RALGAPA1: variants seen among roughly 807,000 people sequenced by gnomAD.
RALGAPA1 encodes the protein Ral GTPase activating protein catalytic subunit alpha 1, also known as ral GTPase-activating protein subunit alpha-1.
In RALGAPA1, 52 loss-of-function variants were observed where a neutral mutation model predicts 269.6. The observed-to-expected ratio is 0.19, with a 90% confidence interval of 0.15 to 0.24. The LOEUF (loss-of-function observed/expected upper bound fraction) is 0.24. Among genes scored for constraint, RALGAPA1 ranks in the 10% least tolerant of loss-of-function variants. The pLI is 1.00. For synonymous variants in RALGAPA1, 817 were observed against 1,008.3 expected (o/e 0.81, Z 3.60); for missense variants, 1,917 against 3,013.9 (o/e 0.64, Z 8.52).
At chr14:35,712,426 TGC>T (rs1293504390) in intron 16 of RALGAPA1, among the ~76,000 whole-genome samples, 10 of 152,274 alleles carry the variant, frequency 6.6e-5, no homozygotes, top group African/African-American at 2.4e-4. Flanking sequence ...TAACATTTCT[TGC>T]AAAGCAAGTA....
chr14:35,718,755 C>CCTGAACCTAGA lies in RALGAPA1; in HGVS notation c.2266+2932_2266+2933insTCTAGGTTCAG, dbSNP rs2069089600. Reference sequence around the variant, plus strand: ...TGCCTGAACCTAGAAGTGGAGGTTGCAGTGAGCTGAGATCATGCCAGCCTG... The same window carrying CCTGAACCTAGA: ...TGCCTGAACCTAGAAGTGGAGGTTGCCTGAACCTAGAAGTGAGCTGAGATCATGCCAGCCTG... On this transcript the variant is annotated intron_variant, in intron 16 of 41. Coordinates refer to ENST00000680220, the MANE Select transcript of RALGAPA1 (RefSeq NM_001346249.2). 7.9e-5 allele frequency among the ~76,000 whole-genome samples: 12 copies of CCTGAACCTAGA among 151,866 alleles called. No individual in the cohort carries two copies. In the South Asian group the frequency reaches 2.5e-3, roughly 32 times the overall value.
chr14:35,605,446 T>G, intron 36 of RALGAPA1, 140 bp downstream of exon 36: 1 of 853,556 alleles, frequency 1.2e-6, no homozygotes, highest in Non-Finnish European at 1.7e-6. Flanking sequence ...GCAGACAAAA[T>G]GGAAGGCAGA....
At chr14:35,623,192 G>GA (rs1235600914) in intron 35 of RALGAPA1, among the ~76,000 whole-genome samples, 1 of 150,778 alleles carries the variant, frequency 6.6e-6, no homozygotes, top group Non-Finnish European at 1.5e-5. Flanking sequence ...GAAATCCAAA[G>GA]AAAAAAATTG....
chr14:35,650,066 G>T (rs145171486), intron 31 of RALGAPA1, among the ~76,000 whole-genome samples: 1 of 152,104 alleles, frequency 6.6e-6, no homozygotes, highest in Non-Finnish European at 1.5e-5. Flanking sequence ...ACACTAAAGC[G>T]AAGGATTCTT....
In RALGAPA1 at chr14:35,691,769, C is replaced by T. The variant is rs1409418521; in HGVS notation, c.2408-1766G>A. Among the ~76,000 whole-genome samples the T allele has an allele frequency of 2.0e-5, 3 of 152,226 alleles. No homozygotes were observed. In the East Asian group the frequency reaches 5.8e-4, roughly 29 times the overall value. On this transcript the variant is annotated intron_variant, in intron 17 of 41. Coordinates refer to ENST00000680220, the MANE Select transcript of RALGAPA1 (RefSeq NM_001346249.2). Reference sequence around the variant, plus strand: ...GAGATCAACATAGGTTTGTATTATGCCAAGATTCTAGTATATTCCTAGTGA... The same window carrying T: ...GAGATCAACATAGGTTTGTATTATGTCAAGATTCTAGTATATTCCTAGTGA...
intron 1 of RALGAPA1, among the ~76,000 whole-genome samples, chr14:35,799,788 A>G (rs1445990372): frequency 2.0e-5 from 3 of 152,192 alleles, no homozygotes; most frequent in African/African-American, 7.2e-5. Flanking sequence ...AAACATCTCA[A>G]TTAAAAGGCA....
At position 35,632,627 on chromosome 14, in the gene RALGAPA1, G is replaced by A. The variant is rs542054208; in HGVS notation, c.5995+1947C>T. ...TTGGAGCCTCCTTTCACTCTGACCC[G>A]GCAAATGATGACTTTTTGCTAATAA... On this transcript the variant is annotated intron_variant, in intron 33 of 41. Coordinates refer to ENST00000680220, the MANE Select transcript of RALGAPA1 (RefSeq NM_001346249.2). 4.3e-4 allele frequency among the ~76,000 whole-genome samples: 66 copies of A among 152,186 alleles called. 1 individual carries two copies. The highest frequency in any genetic ancestry group is 1.5e-3 in the African/African-American group (61 of 41,536).
At chr14:35,624,174 A>AAC (rs1423960391) in intron 35 of RALGAPA1, among the ~76,000 whole-genome samples, 2 of 147,522 alleles carry the variant, frequency 1.4e-5, no homozygotes, top group African/African-American at 2.5e-5. Context: ...AAAAAAAAAA[A>AAC]CAACTTGGTA....
chr14:35,588,332 G>C (rs1043716079), intron 37 of RALGAPA1, among the ~76,000 whole-genome samples: 3 of 152,140 alleles, frequency 2.0e-5, no homozygotes, highest in African/African-American at 7.2e-5. Flanking sequence ...ATAATTAAGG[G>C]CCCTTGTGAC....
At chr14:35,807,246 G>A (rs944882559) in intron 1 of RALGAPA1, among the ~76,000 whole-genome samples, 11 of 152,012 alleles carry the variant, frequency 7.2e-5, no homozygotes, top group African/African-American at 1.9e-4. Flanking sequence ...TGAATCCCTC[G>A]CCTGCATTCA....
rs190934099 is a variant in RALGAPA1 at position 35,674,148 on chromosome 14, T to A, written c.4917+32A>T. 2,804 of 1,491,526 alleles carry A rather than the reference T, an allele frequency of 1.9e-3. 6 individuals are homozygous for A. Among genetic ancestry groups the A allele is most frequent in the Non-Finnish European group, 2.1e-3 (2,300 of 1,084,840 alleles). 92.4% of individuals were successfully genotyped at this position (1,491,526 alleles called of 1,614,324 possible). A position where few individuals can be genotyped will look rare whatever the true frequency, so the allele number is the denominator to read the frequency against. On this transcript the variant is annotated intron_variant, in intron 24 of 41. Coordinates refer to ENST00000680220, the MANE Select transcript of RALGAPA1 (RefSeq NM_001346249.2). ...AGTTTAAGATTTAGTAAATGAGAAG[T>A]TTTAAACTAATATTTTATATATTAA...
intron 40 of RALGAPA1, 54 bp downstream of exon 40, chr14:35,549,056 G>A (rs2054721357): frequency 1.3e-6 from 2 of 1,589,378 alleles, no homozygotes; most frequent in Admixed American, 1.7e-5. Flanking sequence ...GAACAAAAGG[G>A]TACTGCATTT....
At chr14:35,762,565 A>G (rs1192924605) in intron 5 of RALGAPA1, 145 bp downstream of exon 5, 1 of 708,912 alleles carries the variant, frequency 1.4e-6, no homozygotes, top group East Asian at 2.6e-5. Context: ...CTCTTGCTAC[A>G]TTTTAAGGGA....
At chr14:35,648,113 G>GA (rs1274114249) in intron 31 of RALGAPA1, among the ~76,000 whole-genome samples, 9 of 146,474 alleles carry the variant, frequency 6.1e-5, no homozygotes, top group African/African-American at 1.5e-4. Flanking sequence ...CATCTCTACT[G>GA]AAAAAAACAA....
chr14:35,582,000 T>C (rs758679953), intron 37 of RALGAPA1, among the ~76,000 whole-genome samples: 7 of 152,206 alleles, frequency 4.6e-5, no homozygotes, highest in Non-Finnish European at 1.0e-4. Context: ...CACAGATGAA[T>C]GGGTAAACAA....
chr14:35,642,347 C>T (rs2062086689), intron 31 of RALGAPA1, among the ~76,000 whole-genome samples: 1 of 152,060 alleles, frequency 6.6e-6, no homozygotes, highest in Non-Finnish European at 1.5e-5. Context: ...AATAATATGA[C>T]AAGCTATTAA....
chr14:35,789,465 G>A (rs1179566866), intron 1 of RALGAPA1, among the ~76,000 whole-genome samples: 1 of 152,016 alleles, frequency 6.6e-6, no homozygotes, highest in Non-Finnish European at 1.5e-5. Flanking sequence ...GGTGGCACAC[G>A]CCTGTTGCCC....
chr14:35,716,715 C>A (rs117202108), intron 16 of RALGAPA1, among the ~76,000 whole-genome samples: 2,178 of 152,218 alleles, frequency 0.014, 24 homozygotes, highest in Non-Finnish European at 0.02. Context: ...CTAAAACAGA[C>A]CCCACCTCAA....
intron 11 of RALGAPA1, among the ~76,000 whole-genome samples, chr14:35,741,035 G>T (rs1380415286): frequency 6.6e-6 from 1 of 152,140 alleles, no homozygotes; most frequent in Non-Finnish European, 1.5e-5. Flanking sequence ...GCCAGTGCTG[G>T]TTACACTACT....
Sources: gnomAD v4.1 joint callset for allele counts (sites outside exome capture counted in the v4.1 genomes callset) on GRCh38, gnomAD v4.1.1 for gene constraint, MANE v1.5 for transcripts, NCBI Gene and HGNC (gene_info 2026-07-23, HGNC 2026-07-21) for gene names.